The following TCF7L1 variants were observed in gnomAD, a reference collection of about 807,000 sequenced individuals.
TCF7L1 encodes transcription factor 7 like 1.
TCF7L1 carries 18 observed loss-of-function variants against 63.7 expected under a neutral mutation model. The observed-to-expected ratio is 0.28, with a 90% CI of 0.20 to 0.42. The LOEUF is 0.42. Among genes scored for constraint, TCF7L1 ranks in the 10% least tolerant of loss-of-function variants. The pLI is 1.00. For synonymous variants in TCF7L1, 355 were observed against 340.9 expected (o/e 1.04, Z -0.46); for missense variants, 654 against 779.3 (o/e 0.84, Z 1.91).
chr2:85,283,202 T>C (rs1278470469), intron 3 of TCF7L1, among the ~76,000 whole-genome samples: 1 of 151,880 alleles, frequency 6.6e-6, no homozygotes, highest in Non-Finnish European at 1.5e-5. Context: ...ATATGTTGAT[T>C]GGTTGTGCTG....
intron 3 of TCF7L1, among the ~76,000 whole-genome samples, chr2:85,208,161 C>T (rs946153249): frequency 2.0e-5 from 3 of 152,180 alleles, no homozygotes; most frequent in Non-Finnish European, 4.4e-5. Context: ...CAGCCTCGGC[C>T]TCCCAAAGTG....
intron 11 of TCF7L1, among the ~76,000 whole-genome samples, chr2:85,308,433 C>CCCCCTCCT (rs1682182262): frequency 9.0e-6 from 1 of 111,072 alleles, no homozygotes; most frequent in African/African-American, 3.9e-5. Context: ...CCCTCCTTTT[C>CCCCCTCCT]TCCCTCCCTT....
intron 3 of TCF7L1, among the ~76,000 whole-genome samples, chr2:85,228,333 A>T (rs1485155505): frequency 6.6e-6 from 1 of 152,094 alleles, no homozygotes; most frequent in Non-Finnish European, 1.5e-5. Context: ...AGGCAGGAGG[A>T]TCCCTTGAGA....
intron 3 of TCF7L1, among the ~76,000 whole-genome samples, chr2:85,240,617 C>CAAA (rs60695204): frequency 1.0e-4 from 13 of 127,154 alleles, no homozygotes; most frequent in African/African-American, 3.6e-4. Flanking sequence ...ACTAAAAATA[C>CAAA]AAAAAAAAAA....
At chr2:85,173,468 T>G (rs944088509) in intron 3 of TCF7L1, among the ~76,000 whole-genome samples, 1 of 152,188 alleles carries the variant, frequency 6.6e-6, no homozygotes, top group African/African-American at 2.4e-5. Context: ...GGGCGCATGA[T>G]TTTGATTACA....
At chr2:85,184,350 C>T (rs1438189328) in intron 3 of TCF7L1, among the ~76,000 whole-genome samples, 1 of 152,036 alleles carries the variant, frequency 6.6e-6, no homozygotes, top group Non-Finnish European at 1.5e-5. Flanking sequence ...CTGGGGCTGG[C>T]AGGGGAGAGG....
At chr2:85,256,524 A>G (rs1295107378) in intron 3 of TCF7L1, among the ~76,000 whole-genome samples, 1 of 152,230 alleles carries the variant, frequency 6.6e-6, no homozygotes, top group Non-Finnish European at 1.5e-5. Context: ...CGGACACACA[A>G]TCAATTACAT....
intron 3 of TCF7L1, among the ~76,000 whole-genome samples, chr2:85,211,101 C>T (rs558925903): frequency 1.3e-5 from 2 of 152,356 alleles, no homozygotes; most frequent in South Asian, 4.1e-4. Context: ...TTTCTGTCTT[C>T]AAGACAAACA....
intron 3 of TCF7L1, chr2:85,213,551 C>T (rs761155131): frequency 6.6e-6 from 1 of 152,238 alleles, no homozygotes. Flanking sequence ...CGGCTGATGG[C>T]ACTAGATCCC....
chr2:85,257,299 T>A lies in TCF7L1; in HGVS notation c.442-26196T>A, dbSNP rs550663791. 7.2e-5 allele frequency among the ~76,000 whole-genome samples: 11 copies of A among 152,168 alleles called. No individual in the cohort carries two copies. In the East Asian group the frequency reaches 2.1e-3, roughly 29 times the overall value. ...TAGTTTTAAATATTTTAAATTAATT[T>A]AAAAAAAGAAAAATCCCTCCTTCCT... On this transcript the variant is annotated intron_variant, in intron 3 of 11. Coordinates refer to ENST00000282111, the MANE Select transcript of TCF7L1 (RefSeq NM_031283.3).
chr2:85,246,241 G>A (rs1680461338), intron 3 of TCF7L1, among the ~76,000 whole-genome samples: 1 of 152,214 alleles, frequency 6.6e-6, no homozygotes, highest in African/African-American at 2.4e-5. Context: ...AGGCTTAGTG[G>A]AATCTTAAAC....
intron 3 of TCF7L1, among the ~76,000 whole-genome samples, chr2:85,203,132 C>G (rs1314661445): frequency 2.0e-5 from 3 of 152,088 alleles, no homozygotes; most frequent in Non-Finnish European, 4.4e-5. Context: ...ACCGCGCCCG[C>G]CCAGTACCTC....
chr2:85,180,266 A>ATGTT, intron 3 of TCF7L1, among the ~76,000 whole-genome samples: 1 of 140,572 alleles, frequency 7.1e-6, no homozygotes, highest in South Asian at 2.3e-4. Flanking sequence ...GGGTCTTGCT[A>ATGTT]TGTTGTATGT....
Position 85,264,307 on chromosome 2 carries a change from C to A in TCF7L1, c.442-19188C>A, listed in dbSNP as rs535795418. Among the ~76,000 whole-genome samples the A allele has an allele frequency of 9.2e-5, 14 of 152,260 alleles. No homozygotes were observed. The East Asian group carries it at 2.7e-3, about 29-fold the overall frequency. Reference sequence around the variant, plus strand: ...ATGGATAGAATGGAATATGGAAAATCAAGGTGGATCAAATGAGAATTTGGC... The same window carrying A: ...ATGGATAGAATGGAATATGGAAAATAAAGGTGGATCAAATGAGAATTTGGC... On this transcript the variant is annotated intron_variant, in intron 3 of 11. Coordinates refer to ENST00000282111, the MANE Select transcript of TCF7L1 (RefSeq NM_031283.3).
At chr2:85,300,606 C>A (rs1573033028) in intron 4 of TCF7L1, among the ~76,000 whole-genome samples, 1 of 152,062 alleles carries the variant, frequency 6.6e-6, no homozygotes, top group African/African-American at 2.4e-5. Flanking sequence ...CTGTGGTGAG[C>A]TCAAGGATAC....
rs555019152 is a variant in TCF7L1, at chr2:85,266,879, G to A, written c.442-16616G>A. On this transcript the variant is annotated intron_variant, in intron 3 of 11. Transcript: ENST00000282111. ...CCATCATAGCTGTTCTGTAGCTGGC[G>A]GCCAGGACACCTGGGTTGTTCTGAT... Among the ~76,000 whole-genome samples, 14 of 152,226 alleles carry A rather than the reference G, an allele frequency of 9.2e-5. No homozygotes were observed. In the South Asian group the frequency reaches 1.2e-3, roughly 14 times the overall value.
chr2:85,192,109 C>T (rs1032905240), intron 3 of TCF7L1, among the ~76,000 whole-genome samples: 2 of 152,218 alleles, frequency 1.3e-5, no homozygotes, highest in Non-Finnish European at 2.9e-5. Flanking sequence ...ATGGCAGGTG[C>T]AGCCACAGTT....
chr2:85,222,256 G>T (rs150545389), intron 3 of TCF7L1, among the ~76,000 whole-genome samples: 1 of 151,276 alleles, frequency 6.6e-6, no homozygotes, highest in Non-Finnish European at 1.5e-5. Context: ...CAGGAGAATC[G>T]CTTGAAACCA....
At chr2:85,300,645 TTA>T (rs1328897175) in intron 4 of TCF7L1, among the ~76,000 whole-genome samples, 2 of 152,064 alleles carry the variant, frequency 1.3e-5, no homozygotes, top group Non-Finnish European at 2.9e-5. Context: ...GGAGTTTGCA[TTA>T]TGAGTACCAA....
Sources: gnomAD v4.1 joint callset for allele counts (sites outside exome capture counted in the v4.1 genomes callset) on GRCh38, gnomAD v4.1.1 for gene constraint, MANE v1.5 for transcripts, NCBI Gene and HGNC (gene_info 2026-07-23, HGNC 2026-07-21) for gene names.